Variants in CSGALNACT2 observed in about 807,000 individuals in gnomAD.
CSGALNACT2 encodes chondroitin sulfate N-acetylgalactosaminyltransferase 2, also known as beta 4 GalNAcT-2.
CSGALNACT2 carries 35 observed loss-of-function variants against 55.3 expected under a neutral mutation model. The ratio of observed to expected loss-of-function variants is 0.63; its 90% confidence interval spans 0.48 to 0.84. CSGALNACT2 has a LOEUF of 0.84. CSGALNACT2 is among the 40% of genes least tolerant of loss of function. CSGALNACT2 has a pLI of 0.00. For synonymous variants in CSGALNACT2, 196 were observed against 224.9 expected, an observed-to-expected ratio of 0.87 and a Z score of 1.15; for missense variants, 544 against 657.5, an observed-to-expected ratio of 0.83 and a Z score of 1.89.
chr10:43,181,371 T>G (rs1839586061), intron 7 of CSGALNACT2, among the ~76,000 whole-genome samples: 1 of 152,228 alleles, frequency 6.6e-6, no homozygotes. Context: ...TTTTTCAGTG[T>G]TCAGCTTTTG....
chr10:43,180,756 G>A (rs1196787635), intron 7 of CSGALNACT2, among the ~76,000 whole-genome samples: 3 of 152,198 alleles, frequency 2.0e-5, no homozygotes, highest in African/African-American at 7.2e-5. Flanking sequence ...GGAGGGAGCG[G>A]AAGTGTTCTG....
At chr10:43,171,354 C>CTT (rs755082076) in intron 6 of CSGALNACT2, among the ~76,000 whole-genome samples, 16 of 142,174 alleles carry the variant, frequency 1.1e-4, no homozygotes, top group Non-Finnish European at 1.5e-4. Flanking sequence ...TGCTAATACT[C>CTT]TTTTTTTTTT....
At chr10:43,179,079 T>C (rs1013574820) in intron 7 of CSGALNACT2, among the ~76,000 whole-genome samples, 2 of 152,066 alleles carry the variant, frequency 1.3e-5, no homozygotes, top group East Asian at 1.9e-4. Context: ...TTGATATATA[T>C]ATAATTTCTT....
intron 5 of CSGALNACT2, among the ~76,000 whole-genome samples, chr10:43,165,483 TAGTC>T (rs1332462480): frequency 1.3e-5 from 2 of 152,096 alleles, no homozygotes; most frequent in Non-Finnish European, 2.9e-5. Context: ...CCATTTTTAT[TAGTC>T]AATTAGAAAA....
intron 1 of CSGALNACT2, among the ~76,000 whole-genome samples, chr10:43,144,000 G>C (rs2133089964): frequency 6.6e-6 from 1 of 152,226 alleles, no homozygotes; most frequent in South Asian, 2.1e-4. Flanking sequence ...CTCCTTCCTA[G>C]ATATTTACAC....
intron 6 of CSGALNACT2, among the ~76,000 whole-genome samples, chr10:43,173,288 T>C (rs1458667192): frequency 3.9e-5 from 6 of 152,192 alleles, no homozygotes; most frequent in African/African-American, 1.4e-4. Context: ...ACTGGAGCCA[T>C]AGTAGCCATG....
intron 3 of CSGALNACT2, 128 bp downstream of exon 3, chr10:43,159,059 T>A (rs1839086894): frequency 1.6e-6 from 1 of 613,002 alleles, no homozygotes; most frequent in South Asian, 2.0e-5. Context: ...AGGGGAACTT[T>A]ATTTTTTTAT....
intron 1 of CSGALNACT2, among the ~76,000 whole-genome samples, chr10:43,144,157 G>C (rs1838691688): frequency 6.6e-6 from 1 of 152,116 alleles, no homozygotes; most frequent in African/African-American, 2.4e-5. Flanking sequence ...AATTTAGGAA[G>C]ATTATACAGA....
chr10:43,146,816 G>A (rs1355279187), intron 1 of CSGALNACT2, among the ~76,000 whole-genome samples: 1 of 151,528 alleles, frequency 6.6e-6, no homozygotes, highest in African/African-American at 2.4e-5. Flanking sequence ...CATCAGCAGT[G>A]TATGAAAGTT....
chr10:43,182,790 G>A (rs527239543), intron 7 of CSGALNACT2, among the ~76,000 whole-genome samples: 6 of 150,552 alleles, frequency 4.0e-5, no homozygotes, highest in East Asian at 1.9e-4. Context: ...TGGGAGGATC[G>A]CCTGAGCCAC....
In CSGALNACT2 at chr10:43,183,230, T is replaced by C; in HGVS notation, c.1337-20T>C. 6.3e-7 allele frequency: 1 copy of C among 1,587,480 alleles called. No homozygotes were observed. The highest frequency in any genetic ancestry group is 1.7e-5 in the Admixed American group (1 of 59,960). On this transcript the variant is annotated intron_variant, in intron 7 of 7. Coordinates refer to ENST00000374466, the MANE Select transcript of CSGALNACT2 (RefSeq NM_018590.5). ...GCTAATAATAGGCAGTTATTTATAG[T>C]GTCAATTTTGATCTTACAGGTGGAT...
chr10:43,158,992 G>A, intron 3 of CSGALNACT2, 61 bp downstream of exon 3: 6 of 960,986 alleles, frequency 6.2e-6, no homozygotes, highest in Non-Finnish European at 9.8e-6. Flanking sequence ...GTTTTACTCA[G>A]ATTTCCTTAA....
chr10:43,179,529 G>T lies in CSGALNACT2; in HGVS notation c.1336+3497G>T, dbSNP rs542450998. On this transcript the variant is annotated intron_variant, in intron 7 of 7. Coordinates refer to ENST00000374466, the MANE Select transcript of CSGALNACT2 (RefSeq NM_018590.5). ...GGGCCTGTGCAGTTATCCTAGGATG[G>T]CATTGGATTTAGCAGGGCTCTCTTT... is the stretch of plus-strand genomic sequence containing the variant. 2.6e-5 allele frequency among the ~76,000 whole-genome samples: 4 copies of T among 152,196 alleles called. No homozygotes were observed. The South Asian group carries it at 8.3e-4, about 32-fold the overall frequency.
chr10:43,145,548 A>G (rs1053939918), intron 1 of CSGALNACT2, among the ~76,000 whole-genome samples: 1 of 151,706 alleles, frequency 6.6e-6, no homozygotes, highest in Non-Finnish European at 1.5e-5. Context: ...AACATGAACT[A>G]CAGACATGCA....
At chr10:43,151,796 A>G (rs1838880830) in intron 1 of CSGALNACT2, among the ~76,000 whole-genome samples, 1 of 152,202 alleles carries the variant, frequency 6.6e-6, no homozygotes, top group African/African-American at 2.4e-5. Flanking sequence ...CTCAGAAACT[A>G]AGGCAGTAAG....
At chr10:43,173,041 T>C (rs1839413017) in intron 6 of CSGALNACT2, among the ~76,000 whole-genome samples, 1 of 152,208 alleles carries the variant, frequency 6.6e-6, no homozygotes, top group South Asian at 2.1e-4. Flanking sequence ...GATTTTATGC[T>C]AAGTATGTTG....
At chr10:43,149,162 A>C (rs1235360476) in intron 1 of CSGALNACT2, among the ~76,000 whole-genome samples, 1 of 152,136 alleles carries the variant, frequency 6.6e-6, no homozygotes, top group African/African-American at 2.4e-5. Flanking sequence ...GGCTCACTGC[A>C]ACCTCCGCCT....
At chr10:43,168,781 C>T (rs1839323707) in intron 6 of CSGALNACT2, among the ~76,000 whole-genome samples, 1 of 151,942 alleles carries the variant, frequency 6.6e-6, no homozygotes, top group African/African-American at 2.4e-5. Flanking sequence ...AACTGAGCAC[C>T]CACGTCTGCC....
intron 2 of CSGALNACT2, among the ~76,000 whole-genome samples, chr10:43,157,384 G>A (rs879209726): frequency 6.6e-6 from 1 of 152,138 alleles, no homozygotes; most frequent in African/African-American, 2.4e-5. Flanking sequence ...TTCCTCTACT[G>A]TGCCACTGTC....
Sources: gnomAD v4.1 joint callset for allele counts (sites outside exome capture counted in the v4.1 genomes callset) on GRCh38, gnomAD v4.1.1 for gene constraint, MANE v1.5 for transcripts, NCBI Gene and HGNC (gene_info 2026-07-23, HGNC 2026-07-21) for gene names.